Variants in LCP1 observed in about 807,000 individuals in gnomAD.
LCP1 encodes lymphocyte cytosolic protein 1.
In LCP1, 23 loss-of-function variants were observed where a neutral mutation model predicts 72.0. The observed-to-expected ratio is 0.32, with a 90% CI of 0.23 to 0.45. The LOEUF is 0.45. LCP1 is among the 20% of genes least tolerant of loss of function. The pLI is 1.00. For synonymous variants in LCP1, 245 were observed against 275.4 expected (o/e 0.89, Z 1.09); for missense variants, 571 against 748.3 (o/e 0.76, Z 2.76).
At chr13:46,130,593 T>C (rs1211712549) in intron 15 of LCP1, among the ~76,000 whole-genome samples, 1 of 152,100 alleles carries the variant, frequency 6.6e-6, no homozygotes, top group Admixed American at 6.5e-5. Flanking sequence ...GGGTTGTTTT[T>C]TTTTTTTTGT....
Position 46,127,639 on chromosome 13 carries a change from G to T in LCP1, c.1836C>A (p.Val612=). ...EDLVEVNPKM[V]MTVFACLMGK... ...CCATGAGGCAGGCAAACACGGTCAT[G>T]ACCATTTTGGGGTTCACTTCAACCA... is the stretch of plus-strand genomic sequence containing the variant. The change falls in exon 16 of 16, where the codon GTC becomes GTA. Residue 612 remains valine (V), a synonymous_variant. Transcript: ENST00000323076. The T allele has an allele frequency of 6.2e-7, 1 of 1,614,176 alleles. No homozygotes were observed. Among genetic ancestry groups the T allele is most frequent in the South Asian group, 1.1e-5 (1 of 91,072 alleles).
At chr13:46,129,921 G>A (rs530753757) in intron 15 of LCP1, among the ~76,000 whole-genome samples, 7 of 152,310 alleles carry the variant, frequency 4.6e-5, no homozygotes, top group African/African-American at 1.4e-4. Flanking sequence ...GAAAAGAAGT[G>A]TCGCAGAGAA....
intron 13 of LCP1, among the ~76,000 whole-genome samples, chr13:46,134,539 G>A (rs1475430889): frequency 1.3e-5 from 2 of 151,618 alleles, no homozygotes; most frequent in Non-Finnish European, 2.9e-5. Context: ...TGCAAGGAAA[G>A]GAAAATGAAG....
chr13:46,154,718 G>C (rs771173959), intron 6 of LCP1, 87 bp downstream of exon 6: 4 of 1,063,498 alleles, frequency 3.8e-6, no homozygotes, highest in Non-Finnish European at 5.8e-6. Flanking sequence ...AATGATGTCT[G>C]AGCCCCTGAA....
In LCP1 at chr13:46,128,402, T is replaced by G. The variant is rs554053671; in HGVS notation, c.1752-679A>C. Among the ~76,000 whole-genome samples the G allele has an allele frequency of 5.1e-4, 77 of 152,160 alleles. 1 individual carries two copies. The highest frequency in any genetic ancestry group is 6.8e-4 in the Non-Finnish European group (46 of 67,986). On this transcript the variant is annotated intron_variant, in intron 15 of 15. Transcript: ENST00000323076. Reference sequence around the variant, plus strand: ...TCACAAGGTCAGGAGATCGAGACCATCCTGGCCAACATGGTGAAACCCCAT... The same window carrying G: ...TCACAAGGTCAGGAGATCGAGACCAGCCTGGCCAACATGGTGAAACCCCAT...
intron 1 of LCP1, among the ~76,000 whole-genome samples, chr13:46,177,355 T>C: frequency 6.6e-6 from 1 of 152,240 alleles, no homozygotes; most frequent in Non-Finnish European, 1.5e-5. Flanking sequence ...ATTCTAAACT[T>C]TAAAGGCCGG....
chr13:46,138,900 G>A (rs928910698), intron 13 of LCP1, among the ~76,000 whole-genome samples: 1 of 152,146 alleles, frequency 6.6e-6, no homozygotes, highest in African/African-American at 2.4e-5. Flanking sequence ...ACCCGCCTCG[G>A]CCTCCCAAAG....
At chr13:46,175,560 G>C (rs1191091057) in intron 1 of LCP1, among the ~76,000 whole-genome samples, 2 of 152,130 alleles carry the variant, frequency 1.3e-5, no homozygotes, top group African/African-American at 4.8e-5. Flanking sequence ...TGCGTGCAGT[G>C]AACAGTAGGG....
chr13:46,132,600 C>T (rs1342855803), intron 14 of LCP1, among the ~76,000 whole-genome samples: 1 of 152,206 alleles, frequency 6.6e-6, no homozygotes, highest in Admixed American at 6.5e-5. Context: ...CTCCTTTCAA[C>T]TTTGCTTTTC....
At chr13:46,158,371 A>C in intron 4 of LCP1, 151 bp downstream of exon 4, 1 of 726,526 alleles carries the variant, frequency 1.4e-6, no homozygotes, top group South Asian at 1.8e-5. Context: ...TATATTATGT[A>C]CCCAGAACTG....
Position 46,158,665 on chromosome 13 carries a change from A to T in LCP1, c.229-14T>A, listed in dbSNP as rs753082841. On this transcript the variant is annotated splice_polypyrimidine_tract_variant and intron_variant, in intron 3 of 15. Transcript: ENST00000323076. ...GCCATGGAAAATCTGCAAAAATATAATGTATCTTTAGAAACTCAAGCAGTG... is the reference window on the plus strand; with the variant it reads ...GCCATGGAAAATCTGCAAAAATATATTGTATCTTTAGAAACTCAAGCAGTG... 1.4e-5 allele frequency: 23 copies of T among 1,614,098 alleles called. No homozygotes were observed. The highest frequency in any genetic ancestry group is 1.9e-5 in the Non-Finnish European group (23 of 1,179,990).
At chr13:46,141,864 T>C (rs1271167934) in intron 13 of LCP1, among the ~76,000 whole-genome samples, 1 of 152,222 alleles carries the variant, frequency 6.6e-6, no homozygotes, top group Non-Finnish European at 1.5e-5. Flanking sequence ...AAAGTAATTG[T>C]TATTTACACA....
chr13:46,143,194 C>T (rs943375994), intron 12 of LCP1, 96 bp downstream of exon 12: 4 of 732,050 alleles, frequency 5.5e-6, no homozygotes, highest in Non-Finnish European at 7.0e-6. Context: ...AAAAACATTA[C>T]TTGTCTACGT....
At chr13:46,135,109 A>AG (rs2045656628) in intron 13 of LCP1, among the ~76,000 whole-genome samples, 1 of 25,278 alleles carries the variant, frequency 4.0e-5, no homozygotes, top group Admixed American at 4.0e-4. Flanking sequence ...ACTCTGTCTC[A>AG]AAAAAAAAAA....
chr13:46,166,137 A>G (rs533602383), intron 1 of LCP1, among the ~76,000 whole-genome samples: 8 of 152,282 alleles, frequency 5.3e-5, no homozygotes, highest in Admixed American at 1.3e-4. Context: ...TAAAGTCTGA[A>G]TATAGAAACA....
intron 5 of LCP1, 35 bp downstream of exon 5, chr13:46,156,403 A>T: frequency 6.2e-7 from 1 of 1,606,146 alleles, no homozygotes. Context: ...GAAAATGGGC[A>T]ATTCTTTGGA....
chr13:46,141,576 A>G (rs1400445161), intron 13 of LCP1, among the ~76,000 whole-genome samples: 2 of 152,192 alleles, frequency 1.3e-5, no homozygotes, highest in African/African-American at 4.8e-5. Context: ...GCCAGAAGAC[A>G]GTGAAACTAT....
chr13:46,155,040 C>T (rs1356950095), intron 5 of LCP1, among the ~76,000 whole-genome samples, 154 bp from the exon 6 acceptor site: 1 of 152,156 alleles, frequency 6.6e-6, no homozygotes, highest in Non-Finnish European at 1.5e-5. Flanking sequence ...TTTGACTAGA[C>T]TCAAACTATC....
intron 1 of LCP1, among the ~76,000 whole-genome samples, chr13:46,175,079 A>G (rs1032579665): frequency 6.6e-6 from 1 of 152,200 alleles, no homozygotes; most frequent in African/African-American, 2.4e-5. Context: ...ACCCCAGACA[A>G]GTCACTTAAC....
Sources: gnomAD v4.1 joint callset for allele counts (sites outside exome capture counted in the v4.1 genomes callset) on GRCh38, gnomAD v4.1.1 for gene constraint, MANE v1.5 for transcripts, NCBI Gene and HGNC (gene_info 2026-07-23, HGNC 2026-07-21) for gene names.